SCRG1: variants seen among roughly 807,000 people sequenced by gnomAD.
SCRG1 encodes the protein stimulator of chondrogenesis 1.
A neutral mutation model predicts 7.7 loss-of-function variants in SCRG1; 3 were observed. The observed-to-expected ratio is 0.39, with a 90% confidence interval of 0.18 to 1.01. SCRG1 has a LOEUF of 1.01. SCRG1 is among the 50% of genes least tolerant of loss of function. The pLI is 0.36. For missense variants in SCRG1, 110 were observed against 117.2 expected, an observed-to-expected ratio of 0.94 and a Z score of 0.28; for synonymous variants, 46 against 41.2, an observed-to-expected ratio of 1.12 and a Z score of -0.44.
At chr4:173,480,451 G>T in the SCRG1 span, among the ~76,000 whole-genome samples, 1 of 151,646 alleles carries the variant, frequency 6.6e-6, no homozygotes, top group Non-Finnish European at 1.5e-5. Context: ...GATTAAAAAA[G>T]ATGGACGACA....
At chr4:173,416,744 T>TAGG in the SCRG1 span, among the ~76,000 whole-genome samples, 1 of 152,200 alleles carries the variant, frequency 6.6e-6, no homozygotes, top group Admixed American at 6.5e-5. Flanking sequence ...TGACGGCCTC[T>TAGG]AGGACTAGCG....
chr4:173,400,264 G>A (rs138506623), upstream of SCRG1, among the ~76,000 whole-genome samples: 774 of 152,286 alleles, frequency 5.1e-3, 10 homozygotes, highest in African/African-American at 0.018. Flanking sequence ...GTTTAGCATA[G>A]AGATAGGAAA....
chr4:173,477,048 T>C, the SCRG1 span, among the ~76,000 whole-genome samples: 1 of 152,122 alleles, frequency 6.6e-6, no homozygotes. Flanking sequence ...TGCCAGATAT[T>C]TGAAAATTTG....
the SCRG1 span, among the ~76,000 whole-genome samples, chr4:173,484,797 A>G: frequency 1.7e-4 from 16 of 93,104 alleles, no homozygotes; most frequent in East Asian, 3.7e-3. Context: ...AATACATATT[A>G]TATATTATAT....
At chr4:173,427,654 G>C in the SCRG1 span, among the ~76,000 whole-genome samples, 2 of 152,200 alleles carry the variant, frequency 1.3e-5, no homozygotes, top group African/African-American at 4.8e-5. Context: ...CTGAATCTTA[G>C]CTGCACTTGC....
the SCRG1 span, among the ~76,000 whole-genome samples, chr4:173,456,190 C>G: frequency 6.6e-6 from 1 of 152,284 alleles, no homozygotes; most frequent in South Asian, 2.1e-4. Flanking sequence ...CTTTAATTTT[C>G]AACCCTAGGA....
chr4:173,419,693 C>A, the SCRG1 span: 1 of 849,770 alleles, frequency 1.2e-6, no homozygotes, highest in Non-Finnish European at 2.0e-6. Flanking sequence ...CTTCGGGGCA[C>A]CAAACACTTT....
At position 173,387,691 on chromosome 4, in the gene SCRG1, A is replaced by G. The variant is rs1739279104; in HGVS notation, c.*650T>C. 8.9e-6 allele frequency: 1 copy of G among 112,314 alleles called. No individual in the cohort carries two copies. Among genetic ancestry groups the G allele is most frequent in the Admixed American group, 9.9e-5 (1 of 10,094 alleles). The allele number at this position is 112,314 out of a possible 1,614,324, so 7.0% of individuals were successfully genotyped here. A position where few individuals can be genotyped will look rare whatever the true frequency, so the allele number is the denominator to read the frequency against. The stretch of plus-strand genomic sequence containing the variant: ...TAGCATACATAATATACCCTCAAAT[A>G]TTGTTCCCTTTTCCTTTTTTTTTTT... On this transcript the variant is annotated 3_prime_UTR_variant, in exon 3 of 3. Coordinates refer to ENST00000296506, the MANE Select transcript of SCRG1 (RefSeq NM_007281.4).
the SCRG1 span, among the ~76,000 whole-genome samples, chr4:173,481,236 T>G: frequency 1.3e-5 from 2 of 152,202 alleles, no homozygotes; most frequent in East Asian, 3.8e-4. Flanking sequence ...TAACAGTGTC[T>G]GGTGTTTATG....
the SCRG1 span, among the ~76,000 whole-genome samples, chr4:173,499,385 G>C: frequency 1.3e-5 from 2 of 152,108 alleles, no homozygotes; most frequent in Non-Finnish European, 2.9e-5. This position sits in a 1 kb window ranked among gnomAD's most constrained non-coding sequence, Gnocchi z 4.1. Context: ...CTCTCTGCTA[G>C]GTAATTTTAA....
At chr4:173,409,820 C>T (rs1740002121), upstream of SCRG1, among the ~76,000 whole-genome samples, 1 of 152,046 alleles carries the variant, frequency 6.6e-6, no homozygotes, top group African/African-American at 2.4e-5. Context: ...AACTCCTGAC[C>T]TCAAGTGATC....
rs1553964623 is a variant in SCRG1 at position 173,396,741 on chromosome 4, T to TGA, written c.-15+2326_-15+2327insTC. Among the ~76,000 whole-genome samples, 1,329 of 145,638 alleles carry TGA rather than the reference T, an allele frequency of 9.1e-3. 27 individuals are homozygous for TGA. Among genetic ancestry groups the TGA allele is most frequent in the African/African-American group, 0.03 (1,185 of 39,190 alleles). On this transcript the variant is annotated intron_variant, in intron 1 of 2. Coordinates refer to ENST00000296506, the MANE Select transcript of SCRG1 (RefSeq NM_007281.4). ...GTGTGTGTGTGTGTGTGTGTGTGTG[T>TGA]GTGTGTGTATGCATTATAAATTACA...
At chr4:173,506,667 C>A in the SCRG1 span, among the ~76,000 whole-genome samples, 1 of 152,096 alleles carries the variant, frequency 6.6e-6, no homozygotes, top group Non-Finnish European at 1.5e-5. This position sits in a 1 kb window ranked among gnomAD's most constrained non-coding sequence, Gnocchi z 5.3. Context: ...AGAACTGAGG[C>A]GGGGTTGTGG....
the SCRG1 span, among the ~76,000 whole-genome samples, chr4:173,470,818 C>T: frequency 6.6e-6 from 1 of 152,138 alleles, no homozygotes; most frequent in Non-Finnish European, 1.5e-5. Context: ...AATTAATAAA[C>T]TTCATAAAAA....
chr4:173,513,836 A>G, the SCRG1 span, among the ~76,000 whole-genome samples: 4 of 152,320 alleles, frequency 2.6e-5, no homozygotes, highest in South Asian at 4.1e-4. Context: ...CTCTGAGAGG[A>G]TGCATAAGAA....
At chr4:173,513,738 T>G in the SCRG1 span, among the ~76,000 whole-genome samples, 2 of 152,152 alleles carry the variant, frequency 1.3e-5, no homozygotes, top group African/African-American at 2.4e-5. Context: ...TCTCCCCCTA[T>G]CAGTGGAACA....
chr4:173,457,978 G>A, the SCRG1 span, among the ~76,000 whole-genome samples: 2 of 152,160 alleles, frequency 1.3e-5, no homozygotes, highest in African/African-American at 4.8e-5. Context: ...AGAACTGTGG[G>A]TCTCTCTGGA....
At chr4:173,400,146 C>T (rs1739722988), upstream of SCRG1, among the ~76,000 whole-genome samples, 1 of 152,208 alleles carries the variant, frequency 6.6e-6, no homozygotes. Context: ...AGGATGGTTT[C>T]CTGGGAGGAA....
chr4:173,507,616 T>A, the SCRG1 span, among the ~76,000 whole-genome samples: 1 of 152,042 alleles, frequency 6.6e-6, no homozygotes, highest in Non-Finnish European at 1.5e-5. The surrounding 1 kb of genome is among the most constrained non-coding windows in gnomAD (Gnocchi z 4.4). Flanking sequence ...AAAGGGGGTG[T>A]TAAGACCTCC....
Sources: allele counts gnomAD v4.1 joint callset (sites outside exome capture counted in the v4.1 genomes callset), GRCh38; gene constraint gnomAD v4.1.1; non-coding constraint Gnocchi (gnomAD v3.1); transcripts MANE v1.5; gene names NCBI Gene and HGNC (gene_info 2026-07-23, HGNC 2026-07-21).